The following TNR variants were observed in gnomAD, a reference collection of about 807,000 sequenced individuals.
TNR encodes the protein tenascin-R.
In TNR, 45 loss-of-function variants were observed where a neutral mutation model predicts 150.4. The observed-to-expected ratio is 0.30, with a 90% CI of 0.24 to 0.38. TNR has a LOEUF of 0.38. Ranked by LOEUF, TNR falls within the 10% of genes least tolerant of loss-of-function variation. The probability of loss-of-function intolerance (pLI) is 1.00; values close to 1 mark genes in which losing one functional copy is unlikely to be tolerated. For missense variants in TNR, 1,544 were observed against 1,759.1 expected (o/e 0.88, Z 2.19); for synonymous variants, 687 against 678.4 (o/e 1.01, Z -0.20).
intron 1 of TNR, among the ~76,000 whole-genome samples, chr1:175,665,152 G>C (rs1665498946): frequency 6.6e-6 from 1 of 152,060 alleles, no homozygotes; most frequent in South Asian, 2.1e-4. Flanking sequence ...CTATAGCACA[G>C]TTTTGTTTCA....
chr1:175,707,480 T>C (rs1571773866), intron 1 of TNR, among the ~76,000 whole-genome samples: 1 of 152,184 alleles, frequency 6.6e-6, no homozygotes, highest in Non-Finnish European at 1.5e-5. Context: ...CAGACCGTGG[T>C]ATGAAATGAA....
chr1:175,550,675 TAAGAC>T (rs1660904208), intron 1 of TNR, among the ~76,000 whole-genome samples: 1 of 151,770 alleles, frequency 6.6e-6, no homozygotes. Flanking sequence ...CTTTTATACT[TAAGAC>T]ATGACTAGAA....
chr1:175,640,590 A>T (rs1297011611), intron 1 of TNR, among the ~76,000 whole-genome samples: 1 of 152,156 alleles, frequency 6.6e-6, no homozygotes, highest in Non-Finnish European at 1.5e-5. Context: ...ACTATGTGGA[A>T]GGACCCAGGG....
intron 1 of TNR, among the ~76,000 whole-genome samples, chr1:175,545,818 C>G (rs1660663990): frequency 6.6e-6 from 1 of 152,220 alleles, no homozygotes; most frequent in South Asian, 2.1e-4. Context: ...GCGGGTCCTT[C>G]ACTACCATGC....
intron 1 of TNR, among the ~76,000 whole-genome samples, chr1:175,670,843 A>G (rs1215326067): frequency 1.3e-5 from 2 of 152,210 alleles, no homozygotes; most frequent in African/African-American, 2.4e-5. Flanking sequence ...GACTAAAGAT[A>G]TTAATGTTGT....
intron 1 of TNR, among the ~76,000 whole-genome samples, chr1:175,688,337 G>A (rs1412790140): frequency 6.6e-6 from 1 of 152,240 alleles, no homozygotes; most frequent in Non-Finnish European, 1.5e-5. Context: ...TTAAGAAGAG[G>A]CCGGGAAGAA....
intron 18 of TNR, among the ~76,000 whole-genome samples, chr1:175,346,084 C>A (rs1650766663): frequency 6.6e-6 from 1 of 152,046 alleles, no homozygotes; most frequent in Non-Finnish European, 1.5e-5. Context: ...GATTAAATTA[C>A]AATTTCAATG....
chr1:175,539,928 G>A (rs1660438627), intron 1 of TNR, among the ~76,000 whole-genome samples: 1 of 152,090 alleles, frequency 6.6e-6, no homozygotes, highest in Admixed American at 6.5e-5. Context: ...GGGACTTAAG[G>A]ACTGCCATGG....
intron 2 of TNR, among the ~76,000 whole-genome samples, chr1:175,461,113 G>A (rs772849219): frequency 3.9e-5 from 6 of 152,140 alleles, no homozygotes; most frequent in African/African-American, 2.4e-5. Flanking sequence ...CTCAAGAATC[G>A]CTCCCTTCCT....
chr1:175,391,548 T>C, intron 6 of TNR, 110 bp from the exon 7 acceptor site: 1 of 1,264,560 alleles, frequency 7.9e-7, no homozygotes, highest in Non-Finnish European at 1.1e-6. Context: ...GAATTTAAAA[T>C]GGGGGCGATG....
At chr1:175,407,344 G>A (rs1219043295) in intron 2 of TNR, among the ~76,000 whole-genome samples, 9 of 152,210 alleles carry the variant, frequency 5.9e-5, no homozygotes, top group Admixed American at 5.2e-4. Flanking sequence ...GGGTACATTT[G>A]TGATTATCTA....
chr1:175,563,767 G>T (rs1333892677), intron 1 of TNR, among the ~76,000 whole-genome samples: 1 of 152,184 alleles, frequency 6.6e-6, no homozygotes, highest in Non-Finnish European at 1.5e-5. Flanking sequence ...GTGAGTGCTG[G>T]TATTGTCCTC....
intron 15 of TNR, among the ~76,000 whole-genome samples, chr1:175,358,861 A>G (rs1651450813): frequency 1.3e-5 from 2 of 152,226 alleles, no homozygotes. Context: ...AGAGTTTAGC[A>G]GTCCTGAATC....
chr1:175,703,652 C>T (rs1666764339), intron 1 of TNR, among the ~76,000 whole-genome samples: 1 of 152,002 alleles, frequency 6.6e-6, no homozygotes, highest in Non-Finnish European at 1.5e-5. Context: ...ACCCAATAGA[C>T]AAATGAGCAA....
Position 175,316,842 on chromosome 1 carries a change from G to T in TNR, c.*6515C>A, listed in dbSNP as rs1648860004. 1 of 152,194 alleles carries T rather than the reference G, an allele frequency of 6.6e-6. No individual in the cohort carries two copies. The highest frequency in any genetic ancestry group is 2.1e-4 in the South Asian group (1 of 4,830). The allele number at this position is 152,194 out of a possible 1,614,324, so 9.4% of individuals were successfully genotyped here. A position where few individuals can be genotyped will look rare whatever the true frequency, so the allele number is the denominator to read the frequency against. ...ATGATGATGAGATTGAGGGTCCCCT[G>T]GAGTACATGGCAAAAATAATGCAAG... On this transcript the variant is annotated 3_prime_UTR_variant, in exon 23 of 23. Coordinates refer to ENST00000367674, the MANE Select transcript of TNR (RefSeq NM_003285.3).
At chr1:175,519,687 C>T (rs1031092159) in intron 2 of TNR, among the ~76,000 whole-genome samples, 3 of 152,238 alleles carry the variant, frequency 2.0e-5, no homozygotes, top group Non-Finnish European at 4.4e-5. Context: ...GGTTGCTCTA[C>T]AGGGGTGCCC....
chr1:175,349,613 G>T (rs1361266256), intron 18 of TNR, among the ~76,000 whole-genome samples: 3 of 152,182 alleles, frequency 2.0e-5, no homozygotes, highest in Non-Finnish European at 4.4e-5. Flanking sequence ...TGTATCAAAT[G>T]CCTGCCTATG....
At chr1:175,568,572 C>T (rs1371125968) in intron 1 of TNR, among the ~76,000 whole-genome samples, 1 of 152,166 alleles carries the variant, frequency 6.6e-6, no homozygotes, top group Non-Finnish European at 1.5e-5. Context: ...TTGCATGGGT[C>T]CTTCTGCTTA....
At chr1:175,504,295 TC>T (rs1192956175) in intron 2 of TNR, among the ~76,000 whole-genome samples, 1 of 152,126 alleles carries the variant, frequency 6.6e-6, no homozygotes, top group Non-Finnish European at 1.5e-5. Context: ...TATCTCTGTA[TC>T]CCTTACAATA....
Sources: gnomAD v4.1 joint callset for allele counts (sites outside exome capture counted in the v4.1 genomes callset) on GRCh38, gnomAD v4.1.1 for gene constraint, MANE v1.5 for transcripts, NCBI Gene and HGNC (gene_info 2026-07-23, HGNC 2026-07-21) for gene names.